WASHC4: variants seen among roughly 807,000 people sequenced by gnomAD.
WASHC4 encodes WASH complex subunit 7.
WASHC4 carries 86 observed loss-of-function variants against 166.6 expected under a neutral mutation model. That is an observed-to-expected ratio of 0.52 (90% CI 0.43 to 0.62). The LOEUF (loss-of-function observed/expected upper bound fraction) is 0.62, where lower values mean the gene tolerates loss of function less well. Ranked by LOEUF, WASHC4 falls within the 20% of genes least tolerant of loss-of-function variation. The pLI is 0.00. For synonymous variants in WASHC4, 446 were observed against 451.6 expected (o/e 0.99, Z 0.16); for missense variants, 1,262 against 1,382.4 (o/e 0.91, Z 1.38).
chr12:105,155,644 C>G (rs1884099824), intron 26 of WASHC4, among the ~76,000 whole-genome samples: 1 of 152,114 alleles, frequency 6.6e-6, no homozygotes. Context: ...AGTTCAAGAC[C>G]AGCCTGGCCA....
At chr12:105,140,773 T>A (rs1161879189) in intron 16 of WASHC4, 126 bp from the exon 17 acceptor site, 3 of 952,230 alleles carry the variant, frequency 3.2e-6, no homozygotes, top group Non-Finnish European at 4.9e-6. Context: ...GTCAGAAGCT[T>A]AAATGGGGAA....
Position 105,167,715 on chromosome 12 carries a change from GAATTATT to G in WASHC4, c.*785_*791del, listed in dbSNP as rs1368383103. On this transcript the variant is annotated 3_prime_UTR_variant, in exon 33 of 33. Transcript: ENST00000332180. ...TATGATGTCAGAAAAAAAATTGAAT[GAATTATT>G]TCTACATCCAAACTCAGGTTTCTTC... is the stretch of plus-strand genomic sequence containing the variant. 6.6e-6 allele frequency: 1 copy of G among 152,470 alleles called. No individual in the cohort carries two copies. The highest frequency in any genetic ancestry group is 1.9e-4 in the East Asian group (1 of 5,198). The allele number at this position is 152,470 out of a possible 1,614,324, so 9.4% of individuals were successfully genotyped here. A position where few individuals can be genotyped will look rare whatever the true frequency, so the allele number is the denominator to read the frequency against.
rs1369877616 is a variant in WASHC4, at chr12:105,168,256, TA to T, written c.*1327del. 3 of 152,482 alleles carry T rather than the reference TA, an allele frequency of 2.0e-5. No individual in the cohort carries two copies. Among genetic ancestry groups the T allele is most frequent in the Non-Finnish European group, 4.4e-5 (3 of 67,922 alleles). The allele number at this position is 152,482 out of a possible 1,614,324, so 9.4% of individuals were successfully genotyped here. A position where few individuals can be genotyped will look rare whatever the true frequency, so the allele number is the denominator to read the frequency against. On this transcript the variant is annotated 3_prime_UTR_variant, in exon 33 of 33. Transcript: ENST00000332180. ...ACTTGCCAGCCCAAGATAAATACTT[TA>T]ATTGTTAAAAGTCAGAAGAGACAGA... is the stretch of plus-strand genomic sequence containing the variant.
intron 2 of WASHC4, among the ~76,000 whole-genome samples, chr12:105,113,432 CTTA>C (rs1257381554): frequency 6.6e-6 from 1 of 151,916 alleles, no homozygotes; most frequent in South Asian, 2.1e-4. Flanking sequence ...TCTTTACAAT[CTTA>C]TTATATGACA....
At chr12:105,138,368 A>T (rs140436921) in intron 15 of WASHC4, among the ~76,000 whole-genome samples, 1 of 152,116 alleles carries the variant, frequency 6.6e-6, no homozygotes, top group East Asian at 1.9e-4. Flanking sequence ...GTTAAAAAAA[A>T]AAAAAACAGC....
intron 19 of WASHC4, 30 bp downstream of exon 19, chr12:105,142,588 C>T (rs1394735307): frequency 1.6e-6 from 2 of 1,221,938 alleles, no homozygotes; most frequent in Admixed American, 3.4e-5. Context: ...AAGAATAATT[C>T]TATCATTTTA....
intron 24 of WASHC4, 93 bp from the exon 25 acceptor site, chr12:105,149,522 A>C: frequency 1.9e-6 from 2 of 1,067,250 alleles, no homozygotes; most frequent in Non-Finnish European, 2.7e-6. Context: ...GGTAGTACAA[A>C]TAGATAACTG....
rs2272494 is a variant in WASHC4, at chr12:105,121,273, A to G, written c.665+69A>G. 4,423 of 918,318 alleles carry G rather than the reference A, an allele frequency of 4.8e-3. 225 individuals carry two copies. The East Asian group carries it at 0.099, about 21-fold the overall frequency. The allele number at this position is 918,318 out of a possible 1,614,324, so 56.9% of individuals were successfully genotyped here. On this transcript the variant is annotated intron_variant, in intron 9 of 32. Transcript: ENST00000332180. ...ATGTATTTGTGTTAGTAAAAAGTAA[A>G]CAGATATAAATAATACAGATTTTCT...
At chr12:105,155,474 AG>A (rs11339981) in intron 26 of WASHC4, among the ~76,000 whole-genome samples, 152,220 of 152,226 alleles carry the variant, frequency 1, 76,107 homozygotes, top group Non-Finnish European at 1. Context: ...GAACAGTAGC[AG>A]AGGGGTGCAA....
rs774534406 is a variant in WASHC4 at position 105,122,208 on chromosome 12, A to G, written c.756A>G (p.Glu252=). ...TTGAAAAGTTCTTGCTGAAGCTAGA[A>G]GGGCAATTACTGGATGGAATGATAT... ...KPFEKFLLKL[E]GQLLDGMIFQ... Residue 252 remains glutamate (E), a synonymous_variant, in exon 10 of 33, where the codon GAA becomes GAG. Transcript: ENST00000332180. 3.1e-6 allele frequency: 5 copies of G among 1,612,910 alleles called. No homozygotes were observed. Among genetic ancestry groups the G allele is most frequent in the Non-Finnish European group, 8.5e-7 (1 of 1,179,598 alleles).
chr12:105,116,293 A>G (rs1169759481), intron 6 of WASHC4, among the ~76,000 whole-genome samples: 1 of 151,976 alleles, frequency 6.6e-6, no homozygotes, highest in African/African-American at 2.4e-5. Flanking sequence ...CCATAGTCCC[A>G]CCTCCTTTCT....
intron 28 of WASHC4, among the ~76,000 whole-genome samples, chr12:105,158,107 TAAG>T (rs748584995): frequency 2.2e-4 from 33 of 152,148 alleles, no homozygotes; most frequent in African/African-American, 7.2e-4. Context: ...AGGGTTATCA[TAAG>T]AAGATCATAA....
chr12:105,134,885 C>G (rs1882173952), intron 14 of WASHC4, among the ~76,000 whole-genome samples: 1 of 151,310 alleles, frequency 6.6e-6, no homozygotes, highest in Admixed American at 6.6e-5. Context: ...GTTCTGTGTC[C>G]CTTTTCTTTT....
At chr12:105,132,192 G>A (rs544887884) in intron 13 of WASHC4, among the ~76,000 whole-genome samples, 5 of 152,276 alleles carry the variant, frequency 3.3e-5, no homozygotes, top group Admixed American at 6.5e-5. Context: ...TTTTTGAGAC[G>A]GAGTCTCGCT....
intron 29 of WASHC4, among the ~76,000 whole-genome samples, chr12:105,161,554 A>C (rs1208140505): frequency 6.6e-6 from 1 of 152,228 alleles, no homozygotes; most frequent in Non-Finnish European, 1.5e-5. Context: ...CAGTTGTCAG[A>C]ATTCGCTTAG....
chr12:105,135,175 C>A (rs1157768046), intron 14 of WASHC4, among the ~76,000 whole-genome samples: 1 of 151,938 alleles, frequency 6.6e-6, no homozygotes, highest in African/African-American at 2.4e-5. Context: ...GCATTATTAT[C>A]GCTATTGTTG....
In WASHC4 at chr12:105,142,506, C is replaced by G; in HGVS notation, c.1841C>G (p.Pro614Arg). 1.9e-6 allele frequency: 3 copies of G among 1,610,084 alleles called. No homozygotes were observed. The South Asian group carries it at 3.3e-5, about 18-fold the overall frequency. ...CFLYWHRAVF[P>R]IYLDDVYENA... ...TTATACTGGCATCGAGCTGTCTTCCCAATTTATTTAGATGATGTATATGAA... is the reference window on the plus strand; with the variant it reads ...TTATACTGGCATCGAGCTGTCTTCCGAATTTATTTAGATGATGTATATGAA... The change falls in exon 19 of 33, where the codon CCA becomes CGA. Residue 614 changes from proline to arginine, a missense_variant. Transcript: ENST00000332180.
At chr12:105,149,991 T>G (rs1395098761) in intron 25 of WASHC4, among the ~76,000 whole-genome samples, 1 of 152,196 alleles carries the variant, frequency 6.6e-6, no homozygotes, top group Non-Finnish European at 1.5e-5. Flanking sequence ...TTTGAAACAT[T>G]TAAGCAATAT....
intron 13 of WASHC4, among the ~76,000 whole-genome samples, chr12:105,128,369 C>T (rs763118725): frequency 6.6e-6 from 1 of 152,172 alleles, no homozygotes; most frequent in Non-Finnish European, 1.5e-5. Context: ...AGAGATTTAT[C>T]TTTCCATTTG....
Sources: allele counts gnomAD v4.1 joint callset (sites outside exome capture counted in the v4.1 genomes callset), GRCh38; gene constraint gnomAD v4.1.1; transcripts MANE v1.5; gene names NCBI Gene and HGNC (gene_info 2026-07-23, HGNC 2026-07-21).